Variants in DAB1 observed in about 807,000 individuals in gnomAD.
DAB1 encodes the protein disabled homolog 1.
In DAB1, 15 loss-of-function variants were observed where a neutral mutation model predicts 64.6. The observed-to-expected ratio is 0.23, with a 90% CI of 0.16 to 0.36. DAB1 has a LOEUF of 0.36. DAB1 is among the 10% of genes least tolerant of loss of function. The probability of loss-of-function intolerance (pLI) is 1.00; values close to 1 mark genes in which losing one functional copy is unlikely to be tolerated. For missense variants in DAB1, 596 were observed against 706.7 expected (o/e 0.84, Z 1.78); for synonymous variants, 235 against 251.9 (o/e 0.93, Z 0.64).
intron 6 of DAB1, among the ~76,000 whole-genome samples, chr1:57,788,532 G>A (rs1253301922): frequency 6.6e-6 from 1 of 152,188 alleles, no homozygotes; most frequent in Non-Finnish European, 1.5e-5. Context: ...GTCAGGGAGA[G>A]CACTAACCAC....
chr1:57,407,432 T>C (rs1683731660), intron 1 of DAB1, among the ~76,000 whole-genome samples: 1 of 152,214 alleles, frequency 6.6e-6, no homozygotes, highest in Non-Finnish European at 1.5e-5. Flanking sequence ...TCCTGAGGCA[T>C]GTCCTTTACA....
chr1:57,561,349 G>A (rs367954298), intron 7 of DAB1, among the ~76,000 whole-genome samples: 1 of 152,184 alleles, frequency 6.6e-6, no homozygotes, highest in East Asian at 1.9e-4. Flanking sequence ...ACTTTGAGCA[G>A]TGCACCTGGT....
At chr1:57,237,185 A>T (rs905673168) in intron 2 of DAB1, among the ~76,000 whole-genome samples, 1 of 152,132 alleles carries the variant, frequency 6.6e-6, no homozygotes, top group Non-Finnish European at 1.5e-5. Context: ...TGAGGGCAGG[A>T]CTGTGACTTT....
At chr1:57,346,629 G>A (rs550094903) in intron 1 of DAB1, among the ~76,000 whole-genome samples, 1 of 152,086 alleles carries the variant, frequency 6.6e-6, no homozygotes, top group African/African-American at 2.4e-5. Flanking sequence ...CCTTTGACAT[G>A]GAATTCTAGG....
intron 2 of DAB1, among the ~76,000 whole-genome samples, chr1:57,204,222 T>C (rs987790684): frequency 7.9e-5 from 12 of 152,104 alleles, no homozygotes; most frequent in Admixed American, 7.2e-4. Context: ...TGCCAGCAGA[T>C]TTTTTATTTC....
intron 7 of DAB1, among the ~76,000 whole-genome samples, chr1:57,452,015 G>A (rs979004067): frequency 6.6e-6 from 1 of 151,990 alleles, no homozygotes; most frequent in African/African-American, 2.4e-5. Flanking sequence ...AGCCACCTCA[G>A]GAAGTTTGAA....
At chr1:57,463,617 C>A (rs11207041) in intron 7 of DAB1, among the ~76,000 whole-genome samples, 75,779 of 151,850 alleles carry the variant, frequency 0.5, 19,582 homozygotes, top group Non-Finnish European at 0.58. Context: ...ACAGTTTCTT[C>A]GTGACAGAAT....
rs1570599325 is a variant in DAB1, at chr1:57,528,722, C to T, written n.625+120870G>A. Reference sequence around the variant, plus strand: ...GAAACATAGTAAGATAAACAGAAGACTTCTCAAGAGAATCATGGGAGAGCA... The same window carrying T: ...GAAACATAGTAAGATAAACAGAAGATTTCTCAAGAGAATCATGGGAGAGCA... On this transcript the variant is annotated intron_variant and non_coding_transcript_variant, in intron 7 of 20. Coordinates refer to the DAB1 transcript ENST00000485760. Among the ~76,000 whole-genome samples the T allele has an allele frequency of 2.0e-5, 3 of 151,410 alleles. No homozygotes were observed. In the South Asian group the frequency reaches 6.2e-4, roughly 31 times the overall value.
At chr1:57,707,734 T>G (rs574320123) in intron 6 of DAB1, among the ~76,000 whole-genome samples, 1 of 152,200 alleles carries the variant, frequency 6.6e-6, no homozygotes, top group African/African-American at 2.4e-5. Flanking sequence ...ACAGGACTTA[T>G]TTGTACTCAT....
chr1:57,638,114 C>A (rs188834447), intron 7 of DAB1, among the ~76,000 whole-genome samples: 2 of 151,496 alleles, frequency 1.3e-5, no homozygotes, highest in East Asian at 3.9e-4. Context: ...ATAAATATAC[C>A]CAAATGAGGG....
intron 3 of DAB1, among the ~76,000 whole-genome samples, chr1:58,434,667 A>G (rs1004773677): frequency 2.0e-5 from 3 of 152,244 alleles, no homozygotes; most frequent in Non-Finnish European, 4.4e-5. Context: ...TACGTCACCA[A>G]TACAGTGTGT....
intron 9 of DAB1, among the ~76,000 whole-genome samples, chr1:57,040,025 G>A (rs191780822): frequency 2.6e-5 from 4 of 152,250 alleles, no homozygotes; most frequent in Non-Finnish European, 4.4e-5. Flanking sequence ...ACCACATGAA[G>A]GAGATAGAAA....
chr1:58,244,048 A>G (rs1171541314), intron 4 of DAB1, among the ~76,000 whole-genome samples: 1 of 152,192 alleles, frequency 6.6e-6, no homozygotes, highest in Non-Finnish European at 1.5e-5. Flanking sequence ...ATGAGAACAG[A>G]TGTTGAGACC....
At chr1:58,027,797 A>G (rs1240298595) in intron 5 of DAB1, among the ~76,000 whole-genome samples, 1 of 152,222 alleles carries the variant, frequency 6.6e-6, no homozygotes, top group African/African-American at 2.4e-5. Flanking sequence ...TGACAAAAAA[A>G]TCATAATAAT....
intron 6 of DAB1, among the ~76,000 whole-genome samples, chr1:57,687,206 C>T (rs1180536509): frequency 1.3e-5 from 2 of 152,176 alleles, no homozygotes; most frequent in African/African-American, 2.4e-5. Flanking sequence ...TTTTGGGATA[C>T]AAAATCAGAG....
At position 57,679,223 on chromosome 1, in the gene DAB1, T is replaced by G. The variant is rs193199328; in HGVS notation, n.552-29558A>C. Reference sequence around the variant, plus strand: ...CATAGCCCATTCTCTTAATCTTCTGTAGGTGTTCTCTCAAGGGAGGATGAG... The same window carrying G: ...CATAGCCCATTCTCTTAATCTTCTGGAGGTGTTCTCTCAAGGGAGGATGAG... On this transcript the variant is annotated intron_variant and non_coding_transcript_variant, in intron 6 of 20. Transcript: ENST00000485760. 4.6e-5 allele frequency among the ~76,000 whole-genome samples: 7 copies of G among 152,302 alleles called. No homozygotes were observed. The East Asian group carries it at 1.4e-3, about 29-fold the overall frequency.
Position 58,121,306 on chromosome 1 carries a change from G to A in DAB1, n.387+29205C>T, listed in dbSNP as rs116818705. On this transcript the variant is annotated intron_variant and non_coding_transcript_variant, in intron 5 of 20. Coordinates refer to the DAB1 transcript ENST00000485760. Reference sequence around the variant, plus strand: ...GGCTTCCCACTGTCCATACACAGTAGCAGGGTATGCAAGTACTACCTACTT... The same window carrying A: ...GGCTTCCCACTGTCCATACACAGTAACAGGGTATGCAAGTACTACCTACTT... 7.3e-3 allele frequency among the ~76,000 whole-genome samples: 1,115 copies of A among 152,222 alleles called. 16 individuals carry two copies. The highest frequency in any genetic ancestry group is 0.026 in the African/African-American group (1,064 of 41,530).
At chr1:57,460,198 C>T (rs1394224003) in intron 7 of DAB1, among the ~76,000 whole-genome samples, 2 of 152,220 alleles carry the variant, frequency 1.3e-5, no homozygotes, top group Non-Finnish European at 2.9e-5. Context: ...ATTCAGGGCA[C>T]ACAGTATGGT....
At chr1:58,014,266 G>A (rs530647315) in intron 5 of DAB1, among the ~76,000 whole-genome samples, 1 of 152,250 alleles carries the variant, frequency 6.6e-6, no homozygotes, top group Admixed American at 6.5e-5. Context: ...TTTCAAAATT[G>A]GATTCTTGAG....
Sources: gnomAD v4.1 joint callset for allele counts (sites outside exome capture counted in the v4.1 genomes callset) on GRCh38, gnomAD v4.1.1 for gene constraint, MANE v1.5 for transcripts, NCBI Gene and HGNC (gene_info 2026-07-23, HGNC 2026-07-21) for gene names.